The following CCDC92 variants were observed in gnomAD, a reference collection of about 807,000 sequenced individuals.
CCDC92 encodes coiled-coil domain-containing protein 92.
A neutral mutation model predicts 24.9 loss-of-function variants in CCDC92; 12 were observed. The ratio of observed to expected loss-of-function variants is 0.48; its 90% CI spans 0.31 to 0.78. CCDC92 has a LOEUF of 0.78. Ranked by LOEUF, CCDC92 falls within the 30% of genes least tolerant of loss-of-function variation. CCDC92 has a pLI of 0.05. For synonymous variants in CCDC92, 193 were observed against 196.3 expected, an observed-to-expected ratio of 0.98 and a Z score of 0.14; for missense variants, 399 against 439.4, an observed-to-expected ratio of 0.91 and a Z score of 0.82.
intron 4 of CCDC92, 115 bp downstream of exon 4, chr12:123,942,629 C>A: frequency 1.2e-6 from 1 of 837,280 alleles, no homozygotes; most frequent in Non-Finnish European, 2.1e-6. Context: ...AGGCCACACG[C>A]ATAACTCTTC....
chr12:123,942,082 T>C (rs933570462), intron 4 of CCDC92, among the ~76,000 whole-genome samples: 6 of 152,206 alleles, frequency 3.9e-5, no homozygotes, highest in African/African-American at 1.4e-4. Context: ...ATTCAGCACT[T>C]TCCAAACACC....
intron 1 of CCDC92, among the ~76,000 whole-genome samples, chr12:123,958,087 CTT>C (rs974707841): frequency 4.0e-4 from 60 of 150,000 alleles, no homozygotes; most frequent in African/African-American, 1.4e-3. Context: ...GAGTTTCACT[CTT>C]GTTGCCCAGG....
intron 1 of CCDC92, among the ~76,000 whole-genome samples, chr12:123,947,841 C>T (rs954942881): frequency 6.1e-4 from 93 of 152,268 alleles, no homozygotes; most frequent in African/African-American, 2.2e-3. Context: ...TGTTCTTTCG[C>T]TCTTTGCAAT....
At chr12:123,958,824 G>A (rs1038140964) in intron 1 of CCDC92, among the ~76,000 whole-genome samples, 2 of 152,180 alleles carry the variant, frequency 1.3e-5, no homozygotes, top group African/African-American at 2.4e-5. Flanking sequence ...GTGCTTTGTA[G>A]TTTCCTCTGC....
intron 1 of CCDC92, among the ~76,000 whole-genome samples, chr12:123,967,848 C>T (rs116966503): frequency 1.3e-5 from 2 of 152,296 alleles, no homozygotes; most frequent in East Asian, 3.9e-4. Flanking sequence ...GCTTTAATGA[C>T]TTCTCATAAA....
At chr12:123,958,239 G>A (rs751940396) in intron 1 of CCDC92, among the ~76,000 whole-genome samples, 21 of 151,944 alleles carry the variant, frequency 1.4e-4, no homozygotes, top group Non-Finnish European at 2.9e-4. Context: ...TTTTAGTAGA[G>A]ACGGGGTTTC....
At chr12:123,969,148 T>C (rs1207646281) in intron 1 of CCDC92, among the ~76,000 whole-genome samples, 1 of 152,218 alleles carries the variant, frequency 6.6e-6, no homozygotes, top group Non-Finnish European at 1.5e-5. Context: ...TTCCCATTGC[T>C]GATAAAACCA....
rs1955465525 is a variant in CCDC92, at chr12:123,935,694, A to G, written c.*1364T>C. The stretch of plus-strand genomic sequence containing the variant: ...TTTTTAAAAGGAATTTATATAATCA[A>G]AAAGTAAATATTGGAGAGTATTTTA... On this transcript the variant is annotated 3_prime_UTR_variant, in exon 5 of 5. Coordinates refer to ENST00000238156, the MANE Select transcript of CCDC92 (RefSeq NM_025140.3). The G allele has an allele frequency of 1.5e-5, 7 of 463,938 alleles. No individual in the cohort carries two copies. Among genetic ancestry groups the G allele is most frequent in the Non-Finnish European group, 2.2e-5 (6 of 270,082 alleles). The allele number at this position is 463,938 out of a possible 1,614,324, so 28.7% of individuals were successfully genotyped here.
intron 1 of CCDC92, among the ~76,000 whole-genome samples, chr12:123,961,842 G>A (rs1956279038): frequency 6.6e-6 from 1 of 152,140 alleles, no homozygotes; most frequent in Admixed American, 6.5e-5. Context: ...AGCTTGGAGG[G>A]TTAAATGACT....
Position 123,942,761 on chromosome 12 carries a change from T to C in CCDC92, c.206A>G (p.Lys69Arg), listed in dbSNP as rs1594456063. The change falls in exon 4 of 5, where the codon AAA becomes AGA. Residue 69 changes from lysine (K) to arginine (R), a missense_variant. Lys to Arg is a conservative substitution (Grantham distance 26). Transcript: ENST00000238156. ...CTDLTYELTV[K>R]SSEQTGDGTS... The stretch of plus-strand genomic sequence containing the variant: ...GTTCTTACCTGTCTGTTCCGAACTT[T>C]TGACTGTCAGCTCATATGTTAAATC... 3 of 1,608,860 alleles carry C rather than the reference T, an allele frequency of 1.9e-6. No individual in the cohort carries two copies. Among genetic ancestry groups the C allele is most frequent in the Non-Finnish European group, 2.6e-6 (3 of 1,175,198 alleles).
intron 1 of CCDC92, among the ~76,000 whole-genome samples, chr12:123,949,093 C>T (rs1955957324): frequency 6.6e-6 from 1 of 152,092 alleles, no homozygotes; most frequent in Admixed American, 6.5e-5. Flanking sequence ...AAGACAGATC[C>T]CTAAAAGGGT....
intron 1 of CCDC92, among the ~76,000 whole-genome samples, chr12:123,951,908 C>T (rs1043936531): frequency 6.6e-6 from 1 of 152,174 alleles, no homozygotes; most frequent in South Asian, 2.1e-4. Context: ...AAGAAATCTT[C>T]AACATCAGGC....
At chr12:123,966,837 C>T (rs897537479) in intron 1 of CCDC92, among the ~76,000 whole-genome samples, 2 of 152,114 alleles carry the variant, frequency 1.3e-5, no homozygotes, top group African/African-American at 4.8e-5. Context: ...CTAGAATTAG[C>T]CAGTCGTCAT....
Position 123,937,505 on chromosome 12 carries a change from G to A in CCDC92, c.549C>T (p.Ser183=). The change falls in exon 5 of 5, where the codon AGC becomes AGT. Residue 183 remains serine (S), a synonymous_variant. Coordinates refer to ENST00000238156, the MANE Select transcript of CCDC92 (RefSeq NM_025140.3). This position sits in a 1 kb window ranked among gnomAD's most constrained non-coding sequence, Gnocchi z 8.4. ...CTGGCTTGTAGCTGGCCAGCACGGG[G>A]CTCCCTGACGGGCTGGCATCTGAGG... ...SGTSDASPSG[S]PVLASYKPAP... 1.2e-6 allele frequency: 2 copies of A among 1,612,392 alleles called. No individual in the cohort carries two copies. The highest frequency in any genetic ancestry group is 1.7e-6 in the Non-Finnish European group (2 of 1,179,988).
intron 4 of CCDC92, among the ~76,000 whole-genome samples, chr12:123,941,942 T>C (rs895608523): frequency 6.6e-6 from 1 of 152,214 alleles, no homozygotes; most frequent in African/African-American, 2.4e-5. Flanking sequence ...TTTGTTTGAG[T>C]GTGCTCTCGT....
At chr12:123,948,044 C>T (rs766882328) in intron 1 of CCDC92, among the ~76,000 whole-genome samples, 18 of 152,268 alleles carry the variant, frequency 1.2e-4, no homozygotes, top group Middle Eastern at 3.4e-3. Flanking sequence ...ACACTCACGG[C>T]GAGGGTCTGC....
intron 1 of CCDC92, among the ~76,000 whole-genome samples, chr12:123,960,561 T>C (rs1956248385): frequency 6.6e-6 from 1 of 152,188 alleles, no homozygotes. Flanking sequence ...GAAGCTGAGA[T>C]GTGGCCGTGT....
chr12:123,971,502 A>C (rs983280016), intron 1 of CCDC92: 7 of 152,166 alleles, frequency 4.6e-5, no homozygotes, highest in African/African-American at 1.7e-4. Context: ...TTAAAATGGC[A>C]ATCCTAGTTT....
At chr12:123,941,695 G>A (rs1293339831) in intron 4 of CCDC92, among the ~76,000 whole-genome samples, 3 of 152,228 alleles carry the variant, frequency 2.0e-5, no homozygotes, top group Non-Finnish European at 2.9e-5. Context: ...GCGCAGGGCT[G>A]AGCGAGCCCT....
Sources: gnomAD v4.1 joint callset for allele counts (sites outside exome capture counted in the v4.1 genomes callset) on GRCh38, gnomAD v4.1.1 for gene constraint, Gnocchi (gnomAD v3.1) non-coding constraint, MANE v1.5 for transcripts, NCBI Gene and HGNC (gene_info 2026-07-23, HGNC 2026-07-21) for gene names.